Variants in CACNA1E observed in about 807,000 individuals in gnomAD.
CACNA1E encodes voltage-dependent R-type calcium channel subunit alpha-1E.
In CACNA1E, 40 loss-of-function variants were observed where a neutral mutation model predicts 259.2. The observed-to-expected ratio is 0.15, with a 90% CI of 0.12 to 0.20. The LOEUF (loss-of-function observed/expected upper bound fraction) is 0.20, where lower values mean the gene tolerates loss of function less well. Among genes scored for constraint, CACNA1E ranks in the 10% least tolerant of loss-of-function variants. CACNA1E has a pLI of 1.00. For synonymous variants in CACNA1E, 1,104 were observed against 1,138.5 expected (o/e 0.97, Z 0.61); for missense variants, 1,874 against 3,040.1 (o/e 0.62, Z 9.02).
chr1:181,391,187 C>T (rs1434852564), intron 1 of CACNA1E, among the ~76,000 whole-genome samples: 1 of 152,196 alleles, frequency 6.6e-6, no homozygotes, highest in Non-Finnish European at 1.5e-5. Flanking sequence ...AAAAGCCTCA[C>T]CTAAGGGTGG....
At chr1:181,430,297 A>G (rs1443168910) in intron 2 of CACNA1E, among the ~76,000 whole-genome samples, 1 of 152,208 alleles carries the variant, frequency 6.6e-6, no homozygotes, top group Admixed American at 6.5e-5. Context: ...CGAAAGTTTA[A>G]TAAGCAAAAG....
chr1:181,378,540 G>A (rs1356349076), intron 1 of CACNA1E, among the ~76,000 whole-genome samples: 1 of 152,176 alleles, frequency 6.6e-6, no homozygotes, highest in African/African-American at 2.4e-5. Context: ...GGAGAGACTT[G>A]TACACAGAGA....
At chr1:181,476,481 C>T (rs896199214) in intron 2 of CACNA1E, among the ~76,000 whole-genome samples, 1 of 152,208 alleles carries the variant, frequency 6.6e-6, no homozygotes. Context: ...TTAGGCTTGA[C>T]TGCAGCTGTG....
At chr1:181,498,905 G>A (rs1179540371) in intron 1 of CACNA1E, among the ~76,000 whole-genome samples, 1 of 152,132 alleles carries the variant, frequency 6.6e-6, no homozygotes, top group Non-Finnish European at 1.5e-5. Context: ...TTGGGGCATA[G>A]GAGGCTGGAT....
intron 1 of CACNA1E, among the ~76,000 whole-genome samples, chr1:181,384,008 C>T (rs1000798059): frequency 7.2e-5 from 11 of 152,220 alleles, no homozygotes; most frequent in Admixed American, 4.6e-4. Flanking sequence ...GCTCACTGAG[C>T]GCTGGAAATG....
intron 1 of CACNA1E, among the ~76,000 whole-genome samples, chr1:181,378,205 G>T (rs896850520): frequency 2.0e-5 from 3 of 152,212 alleles, no homozygotes; most frequent in African/African-American, 7.2e-5. Flanking sequence ...TAATAACAGA[G>T]ATCTGGCTTC....
At chr1:181,740,675 A>G (rs1656488161) in intron 25 of CACNA1E, among the ~76,000 whole-genome samples, 1 of 152,200 alleles carries the variant, frequency 6.6e-6, no homozygotes, top group South Asian at 2.1e-4. Context: ...CACATTGAGC[A>G]TAGTTTGTGA....
intron 7 of CACNA1E, among the ~76,000 whole-genome samples, chr1:181,696,301 A>T (rs1651700271): frequency 6.6e-6 from 1 of 152,004 alleles, no homozygotes; most frequent in Non-Finnish European, 1.5e-5. Flanking sequence ...TCAATCTAGC[A>T]CTTGGGTGTT....
Position 181,698,581 on chromosome 1 carries a change from T to G in CACNA1E, c.1056-12373T>G, listed in dbSNP as rs896289596. ...TACAATACCACAGGTTTAATCGTCT[T>G]TCATGGCATTTTGTCACTGTCATTG... On this transcript the variant is annotated intron_variant, in intron 7 of 47. Transcript: ENST00000367573. Among the ~76,000 whole-genome samples, 3 of 152,180 alleles carry G rather than the reference T, an allele frequency of 2.0e-5. No homozygotes were observed. In the South Asian group the frequency reaches 6.2e-4, roughly 32 times the overall value.
intron 7 of CACNA1E, among the ~76,000 whole-genome samples, chr1:181,705,874 A>G (rs552889331): frequency 6.6e-6 from 1 of 152,194 alleles, no homozygotes. Flanking sequence ...GTGACTGTCC[A>G]GTTTGTAAGC....
At chr1:181,726,269 A>T in intron 18 of CACNA1E, 107 bp downstream of exon 18, 2 of 767,984 alleles carry the variant, frequency 2.6e-6, no homozygotes, top group East Asian at 5.6e-5. Context: ...CATGCTGGGA[A>T]CTGTTCCTGA....
chr1:181,658,524 C>T (rs1558235882), intron 7 of CACNA1E, among the ~76,000 whole-genome samples: 1 of 152,232 alleles, frequency 6.6e-6, no homozygotes, highest in Non-Finnish European at 1.5e-5. Flanking sequence ...GCCCTTAGCT[C>T]TTATTAGCTG....
chr1:181,716,903 G>A (rs1012320445), intron 10 of CACNA1E, among the ~76,000 whole-genome samples, 190 bp from the exon 11 acceptor site: 2 of 152,194 alleles, frequency 1.3e-5, no homozygotes, highest in African/African-American at 4.8e-5. Flanking sequence ...GACTGAGAGT[G>A]CCCAGAGAGG....
At chr1:181,460,198 T>A (rs910150360) in intron 2 of CACNA1E, among the ~76,000 whole-genome samples, 2 of 152,188 alleles carry the variant, frequency 1.3e-5, no homozygotes, top group African/African-American at 4.8e-5. Context: ...TAGAGAATAC[T>A]GAACTGGAGA....
chr1:181,752,637 A>T (rs999736871), intron 27 of CACNA1E, among the ~76,000 whole-genome samples: 2 of 152,122 alleles, frequency 1.3e-5, no homozygotes, highest in Admixed American at 6.6e-5. Flanking sequence ...GTATCCTGGG[A>T]CATTTTCTTT....
intron 37 of CACNA1E, among the ~76,000 whole-genome samples, chr1:181,775,155 A>G (rs1004911266): frequency 4.6e-5 from 7 of 152,174 alleles, no homozygotes; most frequent in African/African-American, 1.7e-4. Context: ...ATTCAATACC[A>G]TTTTATTGGT....
At chr1:181,651,940 G>T (rs114811702) in intron 7 of CACNA1E, 1 of 152,992 alleles carries the variant, frequency 6.5e-6, no homozygotes, top group Non-Finnish European at 1.5e-5. Context: ...TATAAGGTGT[G>T]GTTCCTCTCC....
chr1:181,768,649 T>A (rs1441568345), intron 35 of CACNA1E, among the ~76,000 whole-genome samples: 1 of 152,236 alleles, frequency 6.6e-6, no homozygotes, highest in African/African-American at 2.4e-5. Flanking sequence ...AATAACTGTA[T>A]GGTCTAACAT....
chr1:181,762,774 T>C (rs1572832392), intron 33 of CACNA1E, 117 bp downstream of exon 33: 1 of 658,366 alleles, frequency 1.5e-6, no homozygotes, highest in African/African-American at 1.9e-5. Context: ...CCCCTCTAAG[T>C]GTTGGGAATT....
Sources: gnomAD v4.1 joint callset for allele counts (sites outside exome capture counted in the v4.1 genomes callset) on GRCh38, gnomAD v4.1.1 for gene constraint, MANE v1.5 for transcripts, NCBI Gene and HGNC (gene_info 2026-07-23, HGNC 2026-07-21) for gene names.